Variants in EHF observed in about 807,000 individuals in gnomAD.
The protein encoded by EHF is ESE3 transcription factor.
EHF carries 14 observed loss-of-function variants against 45.1 expected under a neutral mutation model. That is an observed-to-expected ratio of 0.31 (90% CI 0.21 to 0.49). EHF has a LOEUF of 0.49. EHF is among the 20% of genes least tolerant of loss of function. The pLI is 0.99. For synonymous variants in EHF, 136 were observed against 131.8 expected (o/e 1.03, Z -0.22); for missense variants, 282 against 371.4 (o/e 0.76, Z 1.98).
intron 1 of EHF, among the ~76,000 whole-genome samples, chr11:34,639,700 A>AAC (rs1380181261): frequency 9.2e-5 from 14 of 152,366 alleles, no homozygotes; most frequent in African/African-American, 2.9e-4. Context: ...ACTAAGGGTT[A>AAC]AGCCACACAA....
At chr11:34,654,020 T>C (rs989429751) in intron 6 of EHF, among the ~76,000 whole-genome samples, 27 of 152,226 alleles carry the variant, frequency 1.8e-4, no homozygotes, top group African/African-American at 6.5e-4. Context: ...TTGATGTGTT[T>C]ATCCACTGAC....
chr11:34,647,609 G>A lies in EHF; in HGVS notation c.343+925G>A, dbSNP rs140388635. ...TGTCTGCACTGGAAAAGGCATTTAT[G>A]TCTTGGTAGAACCCATGTTTGGGCA... On this transcript the variant is annotated intron_variant, in intron 3 of 8. Coordinates refer to ENST00000257831, the MANE Select transcript of EHF (RefSeq NM_012153.6). Among the ~76,000 whole-genome samples, 167 of 152,354 alleles carry A rather than the reference G, an allele frequency of 1.1e-3. 8 individuals are homozygous for A. In the East Asian group the frequency reaches 0.024, roughly 22 times the overall value.
chr11:34,646,489 T>A lies in EHF; in HGVS notation c.148T>A (p.Trp50Arg). 6.2e-7 allele frequency: 1 copy of A among 1,614,148 alleles called. No homozygotes were observed. Among genetic ancestry groups the A allele is most frequent in the Non-Finnish European group, 8.5e-7 (1 of 1,180,006 alleles). ...GQWHEIHPQY[W>R]TKYQVWEWLQ... Reference sequence around the variant, plus strand: ...GTGGCATGAAATTCATCCTCAGTACTGGACCAAGTACCAGGTGTGGGAGTG... The same window carrying A: ...GTGGCATGAAATTCATCCTCAGTACAGGACCAAGTACCAGGTGTGGGAGTG... The change falls in exon 3 of 9, where the codon TGG (tryptophan) becomes AGG (arginine). Residue 50 changes from tryptophan (W) to arginine (R), a missense_variant. Transcript: ENST00000257831.
intron 1 of EHF, among the ~76,000 whole-genome samples, chr11:34,625,329 T>C (rs1371732417): frequency 2.0e-4 from 31 of 152,178 alleles, no homozygotes. Context: ...TGTTTTGTGA[T>C]GGCAGGGAAC....
chr11:34,661,634 C>T lies in EHF; in HGVS notation c.*2703C>T, dbSNP rs1856091930. On this transcript the variant is annotated 3_prime_UTR_variant, in exon 9 of 9. Coordinates refer to ENST00000257831, the MANE Select transcript of EHF (RefSeq NM_012153.6). The stretch of plus-strand genomic sequence containing the variant: ...TGCATTTTCTATGTGCTGTTCGTGA[C>T]TTGGAGAACTTAAAGTAATCGAGCT... Among the ~76,000 whole-genome samples the T allele has an allele frequency of 6.6e-6, 1 of 152,094 alleles. No individual in the cohort carries two copies. Among genetic ancestry groups the T allele is most frequent in the Non-Finnish European group, 1.5e-5 (1 of 68,024 alleles).
At chr11:34,626,501 T>C (rs1852389450) in intron 1 of EHF, among the ~76,000 whole-genome samples, 1 of 152,200 alleles carries the variant, frequency 6.6e-6, no homozygotes, top group African/African-American at 2.4e-5. Context: ...TTCAATCTTG[T>C]CATGATTTCA....
At chr11:34,649,179 C>T (rs1691521200) in intron 4 of EHF, 98 bp downstream of exon 4, 44 of 1,235,018 alleles carry the variant, frequency 3.6e-5, no homozygotes, top group Non-Finnish European at 4.8e-5. Flanking sequence ...CAAGTTTTTG[C>T]AGGAAACACA....
intron 1 of EHF, among the ~76,000 whole-genome samples, chr11:34,627,139 TGTGTGGC>T (rs1852448889): frequency 7.2e-6 from 1 of 139,278 alleles, no homozygotes. Flanking sequence ...TGTGTGTGTG[TGTGTGGC>T]GATCAACATT....
intron 4 of EHF, among the ~76,000 whole-genome samples, chr11:34,649,613 A>T (rs994047176): frequency 6.6e-6 from 1 of 152,176 alleles, no homozygotes; most frequent in African/African-American, 2.4e-5. Flanking sequence ...GTGTGTTTTT[A>T]TATGAAGGAC....
At chr11:34,656,642 G>A (rs187242456) in intron 6 of EHF, among the ~76,000 whole-genome samples, 5 of 152,214 alleles carry the variant, frequency 3.3e-5, no homozygotes, top group Admixed American at 6.5e-5. Flanking sequence ...CCTTTAGGTC[G>A]TGGAATCAGA....
chr11:34,641,768 C>A (rs1364081900), intron 1 of EHF, among the ~76,000 whole-genome samples: 2 of 152,076 alleles, frequency 1.3e-5, no homozygotes, highest in Non-Finnish European at 2.9e-5. Flanking sequence ...AAATACTGGA[C>A]AATTGAAGAC....
At chr11:34,634,000 AC>A (rs923785438) in intron 1 of EHF, among the ~76,000 whole-genome samples, 3 of 152,196 alleles carry the variant, frequency 2.0e-5, no homozygotes, top group African/African-American at 7.2e-5. Flanking sequence ...CAGCAATAAT[AC>A]CTCAGATGTT....
intron 1 of EHF, among the ~76,000 whole-genome samples, chr11:34,627,112 TTGTGTGTG>T (rs6144298): frequency 0.46 from 68,668 of 148,574 alleles, 16,476 homozygotes; most frequent in Non-Finnish European, 0.54. Context: ...GGATTTTGGT[TTGTGTGTG>T]TGTGTGTGTG....
At chr11:34,636,766 C>T (rs1853451957) in intron 1 of EHF, among the ~76,000 whole-genome samples, 1 of 152,178 alleles carries the variant, frequency 6.6e-6, no homozygotes, top group South Asian at 2.1e-4. Flanking sequence ...GGCCCGGTGG[C>T]TCACGCCTGT....
At chr11:34,629,885 G>A (rs1461527028) in intron 1 of EHF, among the ~76,000 whole-genome samples, 3 of 151,824 alleles carry the variant, frequency 2.0e-5, no homozygotes, top group East Asian at 1.9e-4. Context: ...TGTTATTACT[G>A]CTCTTTTATC....
Position 34,649,007 on chromosome 11 carries a change from T to A in EHF, c.344-12T>A. 1 of 1,612,542 alleles carries A rather than the reference T, an allele frequency of 6.2e-7. No homozygotes were observed. Among genetic ancestry groups the A allele is most frequent in the Admixed American group, 1.7e-5 (1 of 60,006 alleles). Reference sequence around the variant, plus strand: ...TGGGCCCTCTCTGACTATCCCAATCTGTCCTTCACAGGCCAGTGCAGTAGT... The same window carrying A: ...TGGGCCCTCTCTGACTATCCCAATCAGTCCTTCACAGGCCAGTGCAGTAGT... On this transcript the variant is annotated splice_polypyrimidine_tract_variant and intron_variant, in intron 3 of 8. Coordinates refer to ENST00000257831, the MANE Select transcript of EHF (RefSeq NM_012153.6).
At chr11:34,643,278 G>A (rs979289435) in intron 2 of EHF, among the ~76,000 whole-genome samples, 11 of 152,142 alleles carry the variant, frequency 7.2e-5, no homozygotes, top group Admixed American at 2.6e-4. Flanking sequence ...GTGGTGGGGC[G>A]TATAGAGGGT....
chr11:34,643,068 A>ATGTGTGTGTGTGTG (rs780809590), intron 2 of EHF, among the ~76,000 whole-genome samples: 13 of 144,864 alleles, frequency 9.0e-5, no homozygotes, highest in African/African-American at 3.3e-4. Context: ...GAGAAAGGGT[A>ATGTGTGTGTGTGTG]TGTGTGTGTG....
intron 4 of EHF, 58 bp from the exon 5 acceptor site, chr11:34,651,484 G>T: frequency 6.9e-7 from 1 of 1,443,704 alleles, no homozygotes; most frequent in Non-Finnish European, 9.7e-7. Context: ...AGAAAACGCA[G>T]CCTCTTCTCC....
Sources: allele counts gnomAD v4.1 joint callset (sites outside exome capture counted in the v4.1 genomes callset), GRCh38; gene constraint gnomAD v4.1.1; transcripts MANE v1.5; gene names NCBI Gene and HGNC (gene_info 2026-07-23, HGNC 2026-07-21).